AP1G1: variants seen among roughly 807,000 people sequenced by gnomAD.
AP1G1 encodes the protein adaptor related protein complex 1 subunit gamma 1.
AP1G1 carries 7 observed loss-of-function variants against 108.3 expected under a neutral mutation model. The ratio of observed to expected loss-of-function variants is 0.06; its 90% CI spans 0.04 to 0.12. The LOEUF is 0.12. AP1G1 is among the 10% of genes least tolerant of loss of function. The pLI is 1.00. For missense variants in AP1G1, 756 were observed against 1,010.7 expected, an observed-to-expected ratio of 0.75 and a Z score of 3.42; for synonymous variants, 379 against 353.5, an observed-to-expected ratio of 1.07 and a Z score of -0.81.
intron 19 of AP1G1, 106 bp from the exon 20 acceptor site, chr16:71,739,447 TAAAC>T: frequency 1.2e-6 from 1 of 852,818 alleles, no homozygotes; most frequent in African/African-American, 1.7e-5. Flanking sequence ...AAAGATTCCT[TAAAC>T]AAGATGCAAA....
At chr16:71,807,126 T>A (rs2033020506) in intron 1 of AP1G1, among the ~76,000 whole-genome samples, 1 of 152,200 alleles carries the variant, frequency 6.6e-6, no homozygotes, top group Admixed American at 6.6e-5. Context: ...TATCAGTGAA[T>A]AACTGTGAAA....
intron 6 of AP1G1, among the ~76,000 whole-genome samples, chr16:71,767,302 C>T (rs1237261739): frequency 6.6e-6 from 1 of 152,098 alleles, no homozygotes; most frequent in Non-Finnish European, 1.5e-5. Flanking sequence ...ACAAGACAAA[C>T]AAAATAAGAT....
Position 71,739,041 on chromosome 16 carries a change from C to A in AP1G1, c.2169G>T (p.Arg723=). 6.2e-7 allele frequency: 1 copy of A among 1,614,156 alleles called. No homozygotes were observed. Among genetic ancestry groups the A allele is most frequent in the Non-Finnish European group, 8.5e-7 (1 of 1,180,016 alleles). The stretch of plus-strand genomic sequence containing the variant: ...CTGTTACACTGGGGTTGGTATTTGA[C>A]CGTTCAAAGGTGAATTCTATCTTCA... ...NGLKIEFTFE[R]SNTNPSVTVI... is the part of the protein sequence containing the mutation. The change falls in exon 21 of 23, where the codon CGG becomes CGT. Residue 723 remains arginine, a synonymous_variant. Transcript: ENST00000299980.
intron 1 of AP1G1, among the ~76,000 whole-genome samples, chr16:71,801,237 C>T (rs879705111): frequency 2.0e-5 from 3 of 151,214 alleles, no homozygotes; most frequent in Admixed American, 6.6e-5. Flanking sequence ...ACCCAGGAGG[C>T]GGAGATTCCC....
rs57955419 is a variant in AP1G1 at position 71,777,106 on chromosome 16, CAAAAA to C, written c.202-2519_202-2515del. 1.0e-4 allele frequency among the ~76,000 whole-genome samples: 5 copies of C among 48,064 alleles called. No homozygotes were observed. In the East Asian group the frequency reaches 4.6e-3, roughly 44 times the overall value. The allele number at this position is 48,064 out of a possible 152,430, so 31.5% of individuals were successfully genotyped here. A position where few individuals can be genotyped will look rare whatever the true frequency, so the allele number is the denominator to read the frequency against. The stretch of plus-strand genomic sequence containing the variant: ...GCCTAGGAAAACAGCCAAACTGTTA[CAAAAA>C]AAAAAAAAAAAAAAAAAAAAAAACT... On this transcript the variant is annotated intron_variant, in intron 2 of 22. Coordinates refer to ENST00000299980, the MANE Select transcript of AP1G1 (RefSeq NM_001128.6).
chr16:71,765,320 T>A (rs1436787104), intron 7 of AP1G1, among the ~76,000 whole-genome samples, 169 bp downstream of exon 7: 1 of 152,232 alleles, frequency 6.6e-6, no homozygotes, highest in East Asian at 1.9e-4. Context: ...GAGCAAGACC[T>A]GTAATTGTAT....
chr16:71,767,916 C>G (rs758177867), intron 6 of AP1G1: 2 of 1,597,898 alleles, frequency 1.3e-6, no homozygotes, highest in African/African-American at 2.7e-5. Context: ...AAACAGACAA[C>G]AGGAACAAAA....
chr16:71,746,200 C>T lies in AP1G1; in HGVS notation c.1730+388G>A, dbSNP rs1295463989. Among the ~76,000 whole-genome samples the T allele has an allele frequency of 3.3e-5, 5 of 152,088 alleles. No homozygotes were observed. The East Asian group carries it at 5.8e-4, about 18-fold the overall frequency. ...AATTTTTTTGTATTTTTAGTAGAGA[C>T]GGGGTTTCACCATGTTGGCCAGGAT... is the stretch of plus-strand genomic sequence containing the variant. On this transcript the variant is annotated intron_variant, in intron 17 of 22. Transcript: ENST00000299980.
At chr16:71,787,387 G>C (rs890602203) in intron 2 of AP1G1, among the ~76,000 whole-genome samples, 4 of 151,556 alleles carry the variant, frequency 2.6e-5, no homozygotes, top group Non-Finnish European at 5.9e-5. Flanking sequence ...CCAGTGACTC[G>C]AGAGGCTGAG....
Position 71,768,022 on chromosome 16 carries a change from A to G in AP1G1, c.642+1601T>C, listed in dbSNP as rs2031385817. ...CATCTAAGGGAAAAAAAGCCAAAAA[A>G]GAACTCCTGTTAGAGCCTTACTAGA... On this transcript the variant is annotated intron_variant, in intron 6 of 22. Coordinates refer to ENST00000299980, the MANE Select transcript of AP1G1 (RefSeq NM_001128.6). 56 of 895,556 alleles carry G rather than the reference A, an allele frequency of 6.3e-5. No individual in the cohort carries two copies. The South Asian group carries it at 8.2e-4, about 13-fold the overall frequency. 55.5% of individuals were successfully genotyped at this position (895,556 alleles called of 1,614,324 possible). A position where few individuals can be genotyped will look rare whatever the true frequency, so the allele number is the denominator to read the frequency against.
At position 71,730,079 on chromosome 16, in the gene AP1G1, G is replaced by C. The variant is rs571298667; in HGVS notation, c.*2979C>G. 3 of 152,556 alleles carry C rather than the reference G, an allele frequency of 2.0e-5. No individual in the cohort carries two copies. Among genetic ancestry groups the C allele is most frequent in the Admixed American group, 6.5e-5 (1 of 15,274 alleles). The allele number at this position is 152,556 out of a possible 1,614,324, so 9.5% of individuals were successfully genotyped here. A position where few individuals can be genotyped will look rare whatever the true frequency, so the allele number is the denominator to read the frequency against. On this transcript the variant is annotated 3_prime_UTR_variant, in exon 23 of 23. Coordinates refer to ENST00000299980, the MANE Select transcript of AP1G1 (RefSeq NM_001128.6). ...AATCACACCTTTAAACTAGCAAGAG[G>C]AAAGAATCCCCTCCCAAATGTTACA...
chr16:71,741,476 G>A (rs575935881), intron 19 of AP1G1, among the ~76,000 whole-genome samples: 4 of 152,210 alleles, frequency 2.6e-5, no homozygotes, highest in South Asian at 4.2e-4. Flanking sequence ...CCAGCCACTC[G>A]GGAGGCTGAG....
chr16:71,805,050 T>C (rs780983762), intron 1 of AP1G1, among the ~76,000 whole-genome samples: 11 of 151,860 alleles, frequency 7.2e-5, no homozygotes, highest in Non-Finnish European at 1.3e-4. Context: ...TTGTTACTTA[T>C]AAGCTGAGAG....
chr16:71,735,270 C>T (rs2045519516), intron 21 of AP1G1, among the ~76,000 whole-genome samples: 1 of 152,194 alleles, frequency 6.6e-6, no homozygotes, highest in South Asian at 2.1e-4. Context: ...AACGGAAAGA[C>T]TTGCAGAACC....
At chr16:71,777,922 C>G (rs2031853685) in intron 2 of AP1G1, 1 of 179,726 alleles carries the variant, frequency 5.6e-6, no homozygotes. Flanking sequence ...GAGACCAGAA[C>G]CTGGCATTGT....
intron 6 of AP1G1, chr16:71,767,892 T>C (rs1352310386): frequency 2.5e-6 from 4 of 1,599,054 alleles, no homozygotes; most frequent in East Asian, 4.5e-5. Context: ...CATTCTAACA[T>C]ACAGCAGGAT....
At chr16:71,776,455 A>G (rs2031782925) in intron 2 of AP1G1, among the ~76,000 whole-genome samples, 1 of 152,230 alleles carries the variant, frequency 6.6e-6, no homozygotes, top group Non-Finnish European at 1.5e-5. Context: ...AAGTTGATGA[A>G]AGTCATCTTT....
intron 1 of AP1G1, among the ~76,000 whole-genome samples, chr16:71,795,840 T>C (rs1321821099): frequency 6.6e-6 from 1 of 152,228 alleles, no homozygotes; most frequent in Non-Finnish European, 1.5e-5. Context: ...TGCATACCTA[T>C]TTCCCCTATA....
At chr16:71,797,200 G>C (rs2032617685) in intron 1 of AP1G1, among the ~76,000 whole-genome samples, 1 of 151,848 alleles carries the variant, frequency 6.6e-6, no homozygotes, top group Non-Finnish European at 1.5e-5. Context: ...AATTCAAGAA[G>C]TATCATCAAA....
Sources: gnomAD v4.1 joint callset for allele counts (sites outside exome capture counted in the v4.1 genomes callset) on GRCh38, gnomAD v4.1.1 for gene constraint, MANE v1.5 for transcripts, NCBI Gene and HGNC (gene_info 2026-07-23, HGNC 2026-07-21) for gene names.